Variants in RGS6 observed in about 807,000 individuals in gnomAD.
The protein encoded by RGS6 is regulator of G-protein signaling 6.
A neutral mutation model predicts 78.5 loss-of-function variants in RGS6; 30 were observed. The observed-to-expected ratio is 0.38, with a 90% CI of 0.29 to 0.52. RGS6 has a LOEUF of 0.52. RGS6 is among the 20% of genes least tolerant of loss of function. RGS6 has a pLI of 0.85. For missense variants in RGS6, 495 were observed against 609.7 expected (o/e 0.81, Z 1.98); for synonymous variants, 206 against 206.0 (o/e 1.00, Z 0.00).
At chr14:72,238,785 C>T (rs963888937) in intron 2 of RGS6, among the ~76,000 whole-genome samples, 3 of 152,160 alleles carry the variant, frequency 2.0e-5, no homozygotes, top group African/African-American at 7.2e-5. Flanking sequence ...AAACCAGCCT[C>T]CAACCTGATT....
rs2075673532 is a variant in RGS6 at position 72,334,468 on chromosome 14, C to A, written c.85-17627C>A. Among the ~76,000 whole-genome samples, 3 of 152,206 alleles carry A rather than the reference C, an allele frequency of 2.0e-5. No homozygotes were observed. The South Asian group carries it at 6.2e-4, about 31-fold the overall frequency. ...TCCCCCTCATTTCTTCACCCCTCCC[C>A]CATGAAACCATCAATCACCTTGATG... On this transcript the variant is annotated intron_variant, in intron 2 of 17. Transcript: ENST00000553525.
the RGS6 span, among the ~76,000 whole-genome samples, chr14:72,602,220 T>C: frequency 6.6e-6 from 1 of 152,250 alleles, no homozygotes; most frequent in Non-Finnish European, 1.5e-5. Flanking sequence ...CCTAAGTTTC[T>C]TGAGGAAACT....
chr14:72,562,583 A>G lies in RGS6; in HGVS notation c.*116A>G. The G allele has an allele frequency of 2.6e-6, 4 of 1,551,668 alleles. No homozygotes were observed. The highest frequency in any genetic ancestry group is 3.5e-6 in the Non-Finnish European group (4 of 1,154,666). On this transcript the variant is annotated 3_prime_UTR_variant, in exon 18 of 18. Coordinates refer to ENST00000553525, the MANE Select transcript of RGS6 (RefSeq NM_001204424.2). ...GAGACTTGGTCACTGTGAAGGAGAA[A>G]GAGTGAGGGCAATGAAGGGCGATGG...
At chr14:72,391,297 G>A (rs1423384604) in intron 3 of RGS6, among the ~76,000 whole-genome samples, 1 of 152,132 alleles carries the variant, frequency 6.6e-6, no homozygotes, top group Non-Finnish European at 1.5e-5. Context: ...TGCTTCAATA[G>A]TTAAGAATTT....
chr14:72,114,296 G>A (rs748974013), intron 2 of RGS6, among the ~76,000 whole-genome samples: 5 of 152,118 alleles, frequency 3.3e-5, no homozygotes, highest in Admixed American at 2.0e-4. Flanking sequence ...TACTGCAGGC[G>A]GGTCTATAGA....
At chr14:71,939,647 A>G (rs1331567326) in intron 1 of RGS6, among the ~76,000 whole-genome samples, 1 of 152,232 alleles carries the variant, frequency 6.6e-6, no homozygotes, top group Non-Finnish European at 1.5e-5. Context: ...AGATGTGTTA[A>G]TTTGCTCAAG....
chr14:72,298,455 T>TC (rs55682488), intron 2 of RGS6, among the ~76,000 whole-genome samples: 32 of 70,694 alleles, frequency 4.5e-4, no homozygotes, highest in Admixed American at 8.7e-4. Context: ...TTTTTTTTTT[T>TC]CCCCCCCTCT....
At chr14:72,612,096 T>C in the RGS6 span, among the ~76,000 whole-genome samples, 1 of 152,152 alleles carries the variant, frequency 6.6e-6, no homozygotes, top group African/African-American at 2.4e-5. Context: ...CTGCAATGAT[T>C]CATGGCAGGC....
intron 2 of RGS6, among the ~76,000 whole-genome samples, chr14:72,255,533 T>C (rs924974771): frequency 6.6e-6 from 1 of 152,216 alleles, no homozygotes; most frequent in Non-Finnish European, 1.5e-5. Context: ...AAGTCTCTGT[T>C]TAGGCAGACT....
At chr14:72,247,770 G>T (rs1030193976) in intron 2 of RGS6, among the ~76,000 whole-genome samples, 2 of 152,188 alleles carry the variant, frequency 1.3e-5, no homozygotes, top group Non-Finnish European at 2.9e-5. Context: ...TAATGAAAAG[G>T]ATGAGTTTGT....
intron 2 of RGS6, among the ~76,000 whole-genome samples, chr14:72,201,982 C>T (rs1181303863): frequency 6.6e-6 from 1 of 152,158 alleles, no homozygotes; most frequent in Non-Finnish European, 1.5e-5. Flanking sequence ...CATTATTCAC[C>T]ACCTCTGACT....
intron 3 of RGS6, among the ~76,000 whole-genome samples, chr14:72,358,107 G>A (rs2080721596): frequency 6.6e-6 from 1 of 152,170 alleles, no homozygotes; most frequent in African/African-American, 2.4e-5. Context: ...TGTCTTCTGG[G>A]TGTGCAGAAG....
intron 3 of RGS6, chr14:72,420,925 A>C (rs1317819795): frequency 1.3e-5 from 2 of 152,184 alleles, no homozygotes; most frequent in African/African-American, 4.8e-5. Flanking sequence ...GGCTTTCCAG[A>C]GCAACGGCGC....
rs112852667 is a variant in RGS6, at chr14:72,145,599, C to T, written c.84+180724C>T. On this transcript the variant is annotated intron_variant, in intron 2 of 17. Transcript: ENST00000553525. The stretch of plus-strand genomic sequence containing the variant: ...GTTCAAGCGATTCTTGTGTCTCAGC[C>T]TCCCAAGTAGGTAGGATTACAGGCA... Among the ~76,000 whole-genome samples the T allele has an allele frequency of 2.6e-3, 399 of 152,306 alleles. 1 individual carries two copies. The highest frequency in any genetic ancestry group is 0.01 in the Middle Eastern group (3 of 294).
intron 1 of RGS6, among the ~76,000 whole-genome samples, chr14:71,961,810 A>G (rs1319676237): frequency 1.3e-5 from 2 of 152,192 alleles, no homozygotes; most frequent in Non-Finnish European, 2.9e-5. Context: ...CTGTGTGTAT[A>G]TATATGTATA....
chr14:72,168,710 C>T (rs1598746434), intron 2 of RGS6, among the ~76,000 whole-genome samples: 1 of 152,118 alleles, frequency 6.6e-6, no homozygotes, highest in African/African-American at 2.4e-5. Context: ...GCTCCCATAA[C>T]ATTTCTGTGG....
chr14:72,383,077 T>C (rs988245047), intron 3 of RGS6, among the ~76,000 whole-genome samples: 5 of 150,690 alleles, frequency 3.3e-5, no homozygotes, highest in Non-Finnish European at 7.4e-5. Flanking sequence ...CTTTATACTT[T>C]TACATATATG....
At chr14:72,498,943 G>A (rs2096681750) in intron 13 of RGS6, among the ~76,000 whole-genome samples, 1 of 152,178 alleles carries the variant, frequency 6.6e-6, no homozygotes, top group Non-Finnish European at 1.5e-5. Context: ...TCCCGGGTAT[G>A]TGGTCCAAGA....
At chr14:72,265,323 G>C (rs1413390218) in intron 2 of RGS6, among the ~76,000 whole-genome samples, 1 of 152,140 alleles carries the variant, frequency 6.6e-6, no homozygotes, top group Admixed American at 6.5e-5. Context: ...TTGGGTCCAA[G>C]CCCCTTGACC....
Sources: allele counts gnomAD v4.1 joint callset (sites outside exome capture counted in the v4.1 genomes callset), GRCh38; gene constraint gnomAD v4.1.1; transcripts MANE v1.5; gene names NCBI Gene and HGNC (gene_info 2026-07-23, HGNC 2026-07-21).